Variants in DEPDC5 observed in about 807,000 individuals in gnomAD.
DEPDC5 encodes GATOR1 complex protein DEPDC5.
Under a neutral mutation model 217.3 loss-of-function variants are expected in DEPDC5, and 73 were observed. The observed-to-expected ratio is 0.34, with a 90% CI of 0.28 to 0.41. DEPDC5 has a LOEUF of 0.41. DEPDC5 is among the 10% of genes least tolerant of loss of function. DEPDC5 has a pLI of 1.00. For missense variants in DEPDC5, 1,675 were observed against 2,070.1 expected (o/e 0.81, Z 3.70); for synonymous variants, 733 against 756.7 (o/e 0.97, Z 0.51).
At chr22:31,827,594 AT>A (rs2090254365) in intron 24 of DEPDC5, among the ~76,000 whole-genome samples, 1 of 152,108 alleles carries the variant, frequency 6.6e-6, no homozygotes, top group Non-Finnish European at 1.5e-5. Flanking sequence ...TCTGCACAAA[AT>A]TTTCCAAGGG....
chr22:31,839,900 G>A (rs961885358), intron 27 of DEPDC5, among the ~76,000 whole-genome samples: 2 of 152,190 alleles, frequency 1.3e-5, no homozygotes, highest in African/African-American at 4.8e-5. Context: ...GGAGGCTGAG[G>A]CAGGAGGATC....
chr22:31,836,970 A>G lies in DEPDC5; in HGVS notation c.2171-2A>G. On this transcript the variant is annotated splice_acceptor_variant, in intron 25 of 42. Transcript: ENST00000651528. LOFTEE classifies it high-confidence loss of function. ...ACCTTTTCCCCCTGTTACGTGAGGC[A>G]GTTCTGACACTGTCTGCTCCCCCTG... 6.4e-7 allele frequency: 1 copy of G among 1,565,770 alleles called. No homozygotes were observed. The highest frequency in any genetic ancestry group is 2.5e-5 in the East Asian group (1 of 40,804).
At chr22:31,877,749 CAAAAAAAAAAAAA>C (rs136870) in intron 37 of DEPDC5, among the ~76,000 whole-genome samples, 3 of 62,862 alleles carry the variant, frequency 4.8e-5, no homozygotes, top group Admixed American at 2.3e-4. Context: ...GACTCCATCT[CAAAAAAAAAAAAA>C]AAAAAAAAAA....
At chr22:31,791,758 C>T (rs1201495027) in intron 10 of DEPDC5, among the ~76,000 whole-genome samples, 1 of 151,300 alleles carries the variant, frequency 6.6e-6, no homozygotes, top group Non-Finnish European at 1.5e-5. Context: ...GAAACCGCAT[C>T]TCTACTAAAA....
chr22:31,878,892 C>T (rs2093080568), intron 37 of DEPDC5, among the ~76,000 whole-genome samples: 1 of 151,386 alleles, frequency 6.6e-6, no homozygotes, highest in African/African-American at 2.4e-5. Context: ...CAAAAATTAG[C>T]CGGGCGTGGT....
At chr22:31,781,962 T>C (rs1276314117) in intron 8 of DEPDC5, among the ~76,000 whole-genome samples, 4 of 152,038 alleles carry the variant, frequency 2.6e-5, no homozygotes, top group Admixed American at 2.0e-4. Flanking sequence ...GCCCAGGAGT[T>C]TGATGTTGCA....
intron 31 of DEPDC5, among the ~76,000 whole-genome samples, chr22:31,847,826 A>G (rs537371034): frequency 5.3e-5 from 8 of 152,266 alleles, no homozygotes; most frequent in Admixed American, 3.3e-4. Context: ...CAGTCCCCCA[A>G]AGTCTTAATT....
In DEPDC5 at chr22:31,831,768, T is replaced by A. The variant is rs80151468; in HGVS notation, c.2105-2147T>A. On this transcript the variant is annotated intron_variant, in intron 24 of 42. Transcript: ENST00000651528. ...GAGCCCATCTTTTTAAATAAAAAAA[T>A]TAGTTATTTAAAAATTTATGTCCAG... 8.3e-3 allele frequency among the ~76,000 whole-genome samples: 1,259 copies of A among 152,302 alleles called. 50 individuals are homozygous for A. The South Asian group carries it at 0.11, about 13-fold the overall frequency.
chr22:31,882,857 CA>C (rs1278883027), intron 38 of DEPDC5, among the ~76,000 whole-genome samples: 22 of 151,986 alleles, frequency 1.4e-4, no homozygotes, highest in Admixed American at 1.4e-3. Flanking sequence ...CTCCTGGGTG[CA>C]AGGAATCTTC....
chr22:31,791,925 CAAAAAAAAAAAAAAAAAA>C, intron 10 of DEPDC5, 90 bp from the exon 11 acceptor site: 1 of 121,184 alleles, frequency 8.3e-6, no homozygotes, highest in Admixed American at 1.8e-4. Flanking sequence ...GACTCCGTCT[CAAAAAAAAAAAAAAAAAA>C]AAAAAAAAGA....
Position 31,806,104 on chromosome 22 carries a change from T to G in DEPDC5, c.1218-18T>G. The G allele has an allele frequency of 6.2e-7, 1 of 1,600,580 alleles. No homozygotes were observed. The highest frequency in any genetic ancestry group is 1.4e-5 in the African/African-American group (1 of 71,620). On this transcript the variant is annotated intron_variant, in intron 17 of 42. Transcript: ENST00000651528. ...TAAAGGGAATTTAGATTAATGACTCTGTTTGTTTCTTTTACAGTTTCTACA... is the reference window on the plus strand; with the variant it reads ...TAAAGGGAATTTAGATTAATGACTCGGTTTGTTTCTTTTACAGTTTCTACA...
At chr22:31,861,468 C>A in intron 33 of DEPDC5, 35 bp downstream of exon 33, 1 of 1,546,516 alleles carries the variant, frequency 6.5e-7, no homozygotes, top group Non-Finnish European at 8.8e-7. Flanking sequence ...ATGCCTGTCC[C>A]ACTGGCAGAC....
intron 38 of DEPDC5, among the ~76,000 whole-genome samples, chr22:31,893,095 C>T (rs920688495): frequency 2.6e-5 from 4 of 151,974 alleles, no homozygotes; most frequent in African/African-American, 7.3e-5. Flanking sequence ...AGGATGGTCT[C>T]GATCTCTTGA....
chr22:31,900,011 C>T (rs985248224), intron 40 of DEPDC5, among the ~76,000 whole-genome samples: 1 of 152,118 alleles, frequency 6.6e-6, no homozygotes, highest in Non-Finnish European at 1.5e-5. Flanking sequence ...GCTCTCCTCC[C>T]CAGCTGATTA....
chr22:31,814,823 C>G (rs1485632079), intron 20 of DEPDC5, 169 bp from the exon 21 acceptor site: 2 of 635,382 alleles, frequency 3.1e-6, no homozygotes, highest in Non-Finnish European at 5.5e-6. Flanking sequence ...TATAACATCT[C>G]AAGCTGTTAA....
chr22:31,852,345 T>G (rs1272140634), intron 31 of DEPDC5, among the ~76,000 whole-genome samples: 1 of 149,030 alleles, frequency 6.7e-6, no homozygotes, highest in Non-Finnish European at 1.5e-5. Context: ...TACTATTTTT[T>G]TTTTTTTTTT....
intron 7 of DEPDC5, among the ~76,000 whole-genome samples, chr22:31,771,780 C>CACACACAG (rs1187980574): frequency 2.2e-4 from 30 of 135,690 alleles, no homozygotes; most frequent in African/African-American, 6.9e-4. Flanking sequence ...CACACACACA[C>CACACACAG]AGTTAGGACT....
At position 31,901,681 on chromosome 22, in the gene DEPDC5, C is replaced by T. The variant is rs371255676; in HGVS notation, c.4376-61C>T. The T allele has an allele frequency of 2.1e-5, 31 of 1,443,780 alleles. No homozygotes were observed. The East Asian group carries it at 7.3e-4, about 34-fold the overall frequency. 89.4% of individuals were successfully genotyped at this position (1,443,780 alleles called of 1,614,324 possible). A position where few individuals can be genotyped will look rare whatever the true frequency, so the allele number is the denominator to read the frequency against. On this transcript the variant is annotated intron_variant, in intron 40 of 42. Transcript: ENST00000651528. ...AGTAGTAAAGGGTACAGAAGACTGG[C>T]CCAGAGAGAATTACAAACCTTGTGA...
chr22:31,858,316 C>CT (rs1166471112), intron 32 of DEPDC5: 1 of 151,704 alleles, frequency 6.6e-6, no homozygotes, highest in Non-Finnish European at 1.5e-5. Flanking sequence ...AAACCTGAGA[C>CT]TTTAGGCCTC....
Sources: allele counts gnomAD v4.1 joint callset (sites outside exome capture counted in the v4.1 genomes callset), GRCh38; gene constraint gnomAD v4.1.1; transcripts MANE v1.5; gene names NCBI Gene and HGNC (gene_info 2026-07-23, HGNC 2026-07-21).